TMEM14C: variants seen among roughly 807,000 people sequenced by gnomAD.
The protein encoded by TMEM14C is chromosome 6 open reading frame 53.
TMEM14C carries 13 observed loss-of-function variants against 14.8 expected under a neutral mutation model. The ratio of observed to expected loss-of-function variants is 0.88; its 90% confidence interval spans 0.57 to 1.40. The LOEUF (loss-of-function observed/expected upper bound fraction) is 1.40, where lower values mean the gene tolerates loss of function less well. Ranked by LOEUF, TMEM14C falls within the 40% of genes most tolerant of loss-of-function variation. TMEM14C has a pLI of 0.00. For synonymous variants in TMEM14C, 57 were observed against 51.3 expected (o/e 1.11, Z -0.48); for missense variants, 142 against 138.8 (o/e 1.02, Z -0.12).
At chr6:10,729,000 G>T (rs1299590661) in intron 5 of TMEM14C, among the ~76,000 whole-genome samples, 1 of 152,198 alleles carries the variant, frequency 6.6e-6, no homozygotes, top group African/African-American at 2.4e-5. Flanking sequence ...AGAAGTTTTA[G>T]TGCAAAGCCA....
intron 1 of TMEM14C, 149 bp from the exon 2 acceptor site, chr6:10,724,421 G>C (rs1770793837): frequency 6.6e-6 from 4 of 610,348 alleles, no homozygotes; most frequent in South Asian, 4.0e-5. Context: ...GCTCACTACA[G>C]CCCCAGGAAA....
At position 10,730,583 on chromosome 6, in the gene TMEM14C, C is replaced by G. The variant is rs1008365229; in HGVS notation, c.288-32C>G. The G allele has an allele frequency of 1.9e-6, 3 of 1,607,942 alleles. No homozygotes were observed. The African/African-American group carries it at 4.0e-5, about 22-fold the overall frequency. On this transcript the variant is annotated intron_variant, in intron 5 of 5. Coordinates refer to ENST00000229563, the MANE Select transcript of TMEM14C (RefSeq NM_016462.4). ...CATAGTTGCCTGTTCTGTCCTTTACCTGACATTTTCTATCTTGTTTCTTTT... is the reference window on the plus strand; with the variant it reads ...CATAGTTGCCTGTTCTGTCCTTTACGTGACATTTTCTATCTTGTTTCTTTT...
chr6:10,725,757 G>T (rs1031426841), intron 3 of TMEM14C, 150 bp from the exon 4 acceptor site: 26 of 895,158 alleles, frequency 2.9e-5, no homozygotes, highest in African/African-American at 2.2e-4. Flanking sequence ...CACACTCTCT[G>T]TAACGTCTTC....
At chr6:10,723,786 T>C (rs190596922) in intron 1 of TMEM14C, among the ~76,000 whole-genome samples, 1 of 152,114 alleles carries the variant, frequency 6.6e-6, no homozygotes, top group Admixed American at 6.5e-5. Flanking sequence ...TATTTTTTAG[T>C]AGACAATGGG....
In TMEM14C at chr6:10,724,639, T is replaced by A; in HGVS notation, c.20+6T>A. The A allele has an allele frequency of 1.2e-6, 2 of 1,611,726 alleles. No individual in the cohort carries two copies. The highest frequency in any genetic ancestry group is 1.7e-6 in the Non-Finnish European group (2 of 1,178,812). Reference sequence around the variant, plus strand: ...ATGCAGGACACTGGCTCAGTGTGAGTGCAGTAAATGGGTATGGAGTAGCCA... The same window carrying A: ...ATGCAGGACACTGGCTCAGTGTGAGAGCAGTAAATGGGTATGGAGTAGCCA... On this transcript the variant is annotated splice_donor_region_variant and intron_variant, in intron 2 of 5. Coordinates refer to ENST00000229563, the MANE Select transcript of TMEM14C (RefSeq NM_016462.4).
In TMEM14C at chr6:10,726,072, C is replaced by G. The variant is rs2275494; in HGVS notation, c.199+64C>G. On this transcript the variant is annotated intron_variant, in intron 4 of 5. Transcript: ENST00000229563. ...TCCAGAATACTCTTTTCCAAAAGAC[C>G]CTGGTTTGGTGGGATGGGGTGAGTT... 16 of 1,588,320 alleles carry G rather than the reference C, an allele frequency of 1.0e-5. No individual in the cohort carries two copies. In the East Asian group the frequency reaches 2.9e-4, roughly 29 times the overall value.
At chr6:10,724,450 T>C (rs1272023739) in intron 1 of TMEM14C, 120 bp from the exon 2 acceptor site, 1 of 668,576 alleles carries the variant, frequency 1.5e-6, no homozygotes, top group African/African-American at 1.8e-5. Context: ...AGTGTTATCC[T>C]CATGGTACAG....
At chr6:10,729,202 G>A (rs549896393) in intron 5 of TMEM14C, among the ~76,000 whole-genome samples, 7 of 152,224 alleles carry the variant, frequency 4.6e-5, no homozygotes, top group Middle Eastern at 3.4e-3. Flanking sequence ...CGTGATCTCC[G>A]CTCACTGCAA....
chr6:10,730,086 G>A (rs1484503331), intron 5 of TMEM14C, among the ~76,000 whole-genome samples: 3 of 152,072 alleles, frequency 2.0e-5, no homozygotes, highest in Admixed American at 2.0e-4. Flanking sequence ...CAACAGAGGT[G>A]AGTGAGACTC....
At chr6:10,728,137 C>G (rs575662471) in intron 4 of TMEM14C, among the ~76,000 whole-genome samples, 1 of 152,306 alleles carries the variant, frequency 6.6e-6, no homozygotes, top group East Asian at 1.9e-4. Context: ...ACTTTTTTGT[C>G]TAAGCCTTTT....
intron 4 of TMEM14C, among the ~76,000 whole-genome samples, chr6:10,728,343 A>AT (rs34272123): frequency 0.51 from 78,084 of 151,994 alleles, 21,646 homozygotes; most frequent in South Asian, 0.64. Context: ...AAACAGTAGC[A>AT]TTTTGGAGAA....
chr6:10,730,493 A>G, intron 5 of TMEM14C, 122 bp from the exon 6 acceptor site: 1 of 868,238 alleles, frequency 1.2e-6, no homozygotes, highest in South Asian at 2.3e-5. Flanking sequence ...ACCCCTGACC[A>G]CTCTTGCCTT....
At chr6:10,728,060 C>T (rs1426452573) in intron 4 of TMEM14C, among the ~76,000 whole-genome samples, 2 of 152,204 alleles carry the variant, frequency 1.3e-5, no homozygotes, top group Non-Finnish European at 2.9e-5. Flanking sequence ...TCCCCTCTGC[C>T]TGGAATGGGC....
chr6:10,727,264 C>A (rs1424532853), intron 4 of TMEM14C, among the ~76,000 whole-genome samples: 1 of 152,090 alleles, frequency 6.6e-6, no homozygotes, highest in Non-Finnish European at 1.5e-5. Context: ...TGGCCAGGAT[C>A]CTGTCTTGTA....
At position 10,728,682 on chromosome 6, in the gene TMEM14C, A is replaced by G. The variant is rs757834885; in HGVS notation, c.242A>G (p.Tyr81Cys). Residue 81 changes from tyrosine (Y) to cysteine (C), a missense_variant, in exon 5 of 6, where the codon TAC becomes TGC. Coordinates refer to ENST00000229563, the MANE Select transcript of TMEM14C (RefSeq NM_016462.4). ...TLAGIMGMRF[Y>C]HSGKFMPAGL... The stretch of plus-strand genomic sequence containing the variant: ...GCTGGCATTATGGGAATGAGGTTCT[A>G]CCACTCTGGAAAATTCATGCCTGCA... 5.6e-6 allele frequency: 9 copies of G among 1,614,096 alleles called. No homozygotes were observed. The East Asian group carries it at 1.6e-4, about 28-fold the overall frequency.
At position 10,725,043 on chromosome 6, in the gene TMEM14C, G is replaced by GT. The variant is rs756496279; in HGVS notation, c.97+10dup. The GT allele has an allele frequency of 2.5e-6, 4 of 1,614,060 alleles. No homozygotes were observed. In the Admixed American group the frequency reaches 6.7e-5, roughly 27 times the overall value. On this transcript the variant is annotated splice_region_variant and intron_variant, in intron 3 of 5. Coordinates refer to ENST00000229563, the MANE Select transcript of TMEM14C (RefSeq NM_016462.4). ...CATTGGCTATGTAAAAGCAGGTAGGGTTTTGTTGTTACTTAGCCTCTTAAC... is the reference window on the plus strand; with the variant it reads ...CATTGGCTATGTAAAAGCAGGTAGGGTTTTTGTTGTTACTTAGCCTCTTAAC...
At chr6:10,730,269 A>G (rs1770988802) in intron 5 of TMEM14C, among the ~76,000 whole-genome samples, 1 of 152,186 alleles carries the variant, frequency 6.6e-6, no homozygotes, top group Non-Finnish European at 1.5e-5. Context: ...GAAGCAAGGA[A>G]GTCAGTGTGG....
intron 1 of TMEM14C, among the ~76,000 whole-genome samples, chr6:10,724,050 A>T (rs985885354): frequency 6.6e-6 from 1 of 152,174 alleles, no homozygotes; most frequent in Admixed American, 6.5e-5. Flanking sequence ...CGTATATTTT[A>T]TCCTCTCCTA....
rs538795977 is a variant in TMEM14C at position 10,723,213 on chromosome 6, T to G, written c.-73T>G. 1.3e-5 allele frequency: 2 copies of G among 152,428 alleles called. No individual in the cohort carries two copies. The highest frequency in any genetic ancestry group is 3.9e-4 in the East Asian group (2 of 5,190). 9.4% of individuals were successfully genotyped at this position (152,428 alleles called of 1,614,324 possible). A position where few individuals can be genotyped will look rare whatever the true frequency, so the allele number is the denominator to read the frequency against. ...GTCATTCCTGCGGCTTGCGCGCCCT[T>G]GTAGACAGCCGGGGCCTTCGTGAGA... On this transcript the variant is annotated 5_prime_UTR_variant, in exon 1 of 6. Transcript: ENST00000229563.
Sources: allele counts gnomAD v4.1 joint callset (sites outside exome capture counted in the v4.1 genomes callset), GRCh38; gene constraint gnomAD v4.1.1; transcripts MANE v1.5; gene names NCBI Gene and HGNC (gene_info 2026-07-23, HGNC 2026-07-21).